TMA16: variants seen among roughly 807,000 people sequenced by gnomAD.
The protein encoded by TMA16 is translation machinery-associated protein 16.
TMA16 carries 26 observed loss-of-function variants against 27.1 expected under a neutral mutation model. The observed-to-expected ratio is 0.96, with a 90% CI of 0.70 to 1.33. TMA16 has a LOEUF of 1.33. Ranked by LOEUF, TMA16 falls within the 40% of genes most tolerant of loss-of-function variation. The pLI is 0.00. For missense variants in TMA16, 233 were observed against 241.4 expected (o/e 0.97, Z 0.23); for synonymous variants, 71 against 81.9 (o/e 0.87, Z 0.72).
At position 163,497,041 on chromosome 4, in the gene TMA16, G is replaced by C. The variant is rs1424487160; in HGVS notation, c.3+2237G>C. Among the ~76,000 whole-genome samples the C allele has an allele frequency of 2.0e-5, 3 of 152,188 alleles. No homozygotes were observed. In the East Asian group the frequency reaches 5.8e-4, roughly 29 times the overall value. On this transcript the variant is annotated intron_variant, in intron 1 of 6. Coordinates refer to ENST00000358572, the MANE Select transcript of TMA16 (RefSeq NM_018352.3). ...TTTATATAAACCTGTCATAGAGCTT[G>C]TGTGTGCTTCTTTCCCTCCCTAGCT...
chr4:163,508,737 A>T (rs1737751834), intron 2 of TMA16, among the ~76,000 whole-genome samples: 1 of 152,202 alleles, frequency 6.6e-6, no homozygotes, highest in Non-Finnish European at 1.5e-5. Flanking sequence ...ATATTTTAGC[A>T]AGTAACTGCT....
chr4:163,494,995 T>G (rs1429925250), intron 1 of TMA16, among the ~76,000 whole-genome samples, 191 bp downstream of exon 1: 3 of 152,242 alleles, frequency 2.0e-5, no homozygotes, highest in African/African-American at 7.2e-5. Context: ...CGCCTGGACC[T>G]TAGAGTTCCG....
intron 3 of TMA16, 33 bp downstream of exon 3, chr4:163,512,892 A>AGAGTAT (rs1272551949): frequency 4.4e-6 from 7 of 1,579,500 alleles, no homozygotes; most frequent in Non-Finnish European, 5.2e-6. Context: ...AACTCTGGCT[A>AGAGTAT]GAGTATAGGG....
At position 163,505,308 on chromosome 4, in the gene TMA16, C is replaced by G. The variant is rs192707734; in HGVS notation, c.4-1725C>G. Among the ~76,000 whole-genome samples, 130 of 152,316 alleles carry G rather than the reference C, an allele frequency of 8.5e-4. 1 individual carries two copies. The highest frequency in any genetic ancestry group is 3.4e-3 in the Middle Eastern group (1 of 294). On this transcript the variant is annotated intron_variant, in intron 1 of 6. Transcript: ENST00000358572. The stretch of plus-strand genomic sequence containing the variant: ...AGATACATAAAAGAGTACATATACT[C>G]TTATATGATGGTTCTACATATTTTC...
At chr4:163,499,594 G>T (rs1000658194) in intron 1 of TMA16, among the ~76,000 whole-genome samples, 1 of 152,050 alleles carries the variant, frequency 6.6e-6, no homozygotes, top group Non-Finnish European at 1.5e-5. Flanking sequence ...GGATGCTCAG[G>T]TCCCTTATAT....
At chr4:163,505,956 A>C (rs1737713625) in intron 1 of TMA16, among the ~76,000 whole-genome samples, 2 of 152,224 alleles carry the variant, frequency 1.3e-5, no homozygotes, top group African/African-American at 4.8e-5. Flanking sequence ...GGAGACTGCC[A>C]GCTGTCCCCT....
In TMA16 at chr4:163,519,614, A is replaced by T; in HGVS notation, c.*100A>T. 1 of 1,123,612 alleles carries T rather than the reference A, an allele frequency of 8.9e-7. No homozygotes were observed. Among genetic ancestry groups the T allele is most frequent in the Non-Finnish European group, 1.2e-6 (1 of 810,702 alleles). The allele number at this position is 1,123,612 out of a possible 1,614,324, so 69.6% of individuals were successfully genotyped here. A position where few individuals can be genotyped will look rare whatever the true frequency, so the allele number is the denominator to read the frequency against. ...CATGATACAAAAATTTGATACTGACATTCTCTTATATGATGAGAGTTTCAT... is the reference window on the plus strand; with the variant it reads ...CATGATACAAAAATTTGATACTGACTTTCTCTTATATGATGAGAGTTTCAT... On this transcript the variant is annotated 3_prime_UTR_variant, in exon 7 of 7. Coordinates refer to ENST00000358572, the MANE Select transcript of TMA16 (RefSeq NM_018352.3).
intron 1 of TMA16, among the ~76,000 whole-genome samples, chr4:163,505,291 A>G (rs771026533): frequency 6.6e-6 from 1 of 152,204 alleles, no homozygotes; most frequent in Non-Finnish European, 1.5e-5. Context: ...AGAGATACAT[A>G]AAAGAGTACA....
At chr4:163,516,671 A>G (rs1173039947) in intron 5 of TMA16, among the ~76,000 whole-genome samples, 1 of 152,224 alleles carries the variant, frequency 6.6e-6, no homozygotes, top group Admixed American at 6.5e-5. Flanking sequence ...CTTTTGAAAT[A>G]TGGTAAAGAA....
chr4:163,519,533 AAAAT>A lies in TMA16; in HGVS notation c.*26_*29del. 6.5e-7 allele frequency: 1 copy of A among 1,532,308 alleles called. No individual in the cohort carries two copies. The highest frequency in any genetic ancestry group is 8.7e-7 in the Non-Finnish European group (1 of 1,148,774). The allele number at this position is 1,532,308 out of a possible 1,614,324, so 94.9% of individuals were successfully genotyped here. A position where few individuals can be genotyped will look rare whatever the true frequency, so the allele number is the denominator to read the frequency against. ...GGCCTAATTGTCTTCACTTGAATTG[AAAAT>A]AAATAATTTGAGAGCTTCAAATTAT... On this transcript the variant is annotated 3_prime_UTR_variant, in exon 7 of 7. Transcript: ENST00000358572.
intron 6 of TMA16, among the ~76,000 whole-genome samples, chr4:163,519,081 T>C (rs1266201900): frequency 6.6e-6 from 1 of 152,154 alleles, no homozygotes; most frequent in African/African-American, 2.4e-5. Flanking sequence ...TGGAGATTTG[T>C]CAGGTATGAT....
At chr4:163,504,988 AG>A (rs1737701041) in intron 1 of TMA16, among the ~76,000 whole-genome samples, 1 of 152,098 alleles carries the variant, frequency 6.6e-6, no homozygotes, top group Admixed American at 6.5e-5. Flanking sequence ...TTTCCATGAG[AG>A]GGGGAAAGAT....
chr4:163,499,416 C>T (rs1299329913), intron 1 of TMA16, among the ~76,000 whole-genome samples: 1 of 152,080 alleles, frequency 6.6e-6, no homozygotes, highest in Non-Finnish European at 1.5e-5. Context: ...ATCTTTTCTT[C>T]TGAGATCTGT....
chr4:163,510,297 G>T (rs1034564970), intron 2 of TMA16, among the ~76,000 whole-genome samples: 1 of 152,158 alleles, frequency 6.6e-6, no homozygotes, highest in Non-Finnish European at 1.5e-5. Context: ...TTTGACAATT[G>T]TATACATTGG....
chr4:163,517,321 T>A, intron 5 of TMA16, 113 bp from the exon 6 acceptor site: 2 of 1,048,236 alleles, frequency 1.9e-6, no homozygotes, highest in Non-Finnish European at 2.8e-6. Flanking sequence ...CAGCAATACT[T>A]CGAAATTTTG....
chr4:163,499,767 G>A (rs912449271), intron 1 of TMA16, among the ~76,000 whole-genome samples: 23 of 151,264 alleles, frequency 1.5e-4, no homozygotes, highest in African/African-American at 5.1e-4. Context: ...TTATTTTTCT[G>A]AATATTTTCT....
Position 163,514,087 on chromosome 4 carries a change from A to T in TMA16, c.168A>T (p.Gln56His), listed in dbSNP as rs367965842. The change falls in exon 4 of 7, where the codon CAA (glutamine) becomes CAT (histidine). Residue 56 changes from glutamine to histidine, a missense_variant. By Grantham distance (24) the Gln-to-His change is conservative. Coordinates refer to ENST00000358572, the MANE Select transcript of TMA16 (RefSeq NM_018352.3). ...TGTTGTTTATAGGTGAAAAACTGCAATGGTTTCAAAATCATCTTGATCCCC... is the reference window on the plus strand; with the variant it reads ...TGTTGTTTATAGGTGAAAAACTGCATTGGTTTCAAAATCATCTTGATCCCC... ...LRLNLVGEKL[Q>H]WFQNHLDPQK... 1.2e-6 allele frequency: 2 copies of T among 1,608,852 alleles called. No homozygotes were observed. Among genetic ancestry groups the T allele is most frequent in the Non-Finnish European group, 8.5e-7 (1 of 1,177,994 alleles).
At chr4:163,509,119 A>T (rs11100504) in intron 2 of TMA16, among the ~76,000 whole-genome samples, 62,522 of 152,052 alleles carry the variant, frequency 0.41, 13,973 homozygotes, top group Admixed American at 0.55. Flanking sequence ...ACATTATTTT[A>T]TGTTATGAAA....
intron 1 of TMA16, among the ~76,000 whole-genome samples, chr4:163,495,942 G>A (rs964445683): frequency 6.6e-6 from 1 of 152,164 alleles, no homozygotes; most frequent in Non-Finnish European, 1.5e-5. Context: ...TTTTCAGAGT[G>A]GAATATGAAA....
Sources: gnomAD v4.1 joint callset for allele counts (sites outside exome capture counted in the v4.1 genomes callset) on GRCh38, gnomAD v4.1.1 for gene constraint, MANE v1.5 for transcripts, NCBI Gene and HGNC (gene_info 2026-07-23, HGNC 2026-07-21) for gene names.